KCNAB1: variants seen among roughly 807,000 people sequenced by gnomAD.
KCNAB1 encodes the protein potassium voltage-gated channel subfamily A regulatory beta subunit 1, also known as voltage-gated potassium channel subunit beta-1.
Under a neutral mutation model 64.6 loss-of-function variants are expected in KCNAB1, and 35 were observed. The observed-to-expected ratio is 0.54, with a 90% CI of 0.41 to 0.72. The LOEUF (loss-of-function observed/expected upper bound fraction) is 0.72. Ranked by LOEUF, KCNAB1 falls within the 30% of genes least tolerant of loss-of-function variation. The pLI is 0.00. For synonymous variants in KCNAB1, 177 were observed against 183.8 expected, an observed-to-expected ratio of 0.96 and a Z score of 0.30; for missense variants, 401 against 512.9, an observed-to-expected ratio of 0.78 and a Z score of 2.11.
intron 7 of KCNAB1, among the ~76,000 whole-genome samples, chr3:156,474,420 G>A (rs1185661800): frequency 6.6e-6 from 1 of 152,150 alleles, no homozygotes; most frequent in Non-Finnish European, 1.5e-5. Context: ...GAAAGAAGCT[G>A]CTTTTTATTC....
intron 1 of KCNAB1, among the ~76,000 whole-genome samples, chr3:156,238,162 G>T (rs374791624): frequency 6.6e-6 from 1 of 152,248 alleles, no homozygotes; most frequent in East Asian, 1.9e-4. Context: ...GGTGGCTCAC[G>T]CCTGTAATCC....
intron 8 of KCNAB1, among the ~76,000 whole-genome samples, chr3:156,507,307 C>T (rs1716888557): frequency 6.6e-6 from 1 of 152,068 alleles, no homozygotes; most frequent in African/African-American, 2.4e-5. Flanking sequence ...ACTGAGATCT[C>T]AGCAAGGACA....
At chr3:156,332,461 A>T (rs924363520) in intron 1 of KCNAB1, among the ~76,000 whole-genome samples, 1 of 152,138 alleles carries the variant, frequency 6.6e-6, no homozygotes, top group Admixed American at 6.6e-5. Flanking sequence ...TTTACTTGGA[A>T]CTGGTCTGTT....
intron 1 of KCNAB1, among the ~76,000 whole-genome samples, chr3:156,308,489 AC>A: frequency 6.6e-6 from 1 of 152,316 alleles, no homozygotes; most frequent in Admixed American, 6.5e-5. Flanking sequence ...GTTCATGAGG[AC>A]GATGGTGGCT....
chr3:156,171,187 G>GCACACACACACACACA lies in KCNAB1; in HGVS notation c.275+50307_275+50308insCACACACACACACACA, dbSNP rs147202221. 2.5e-3 allele frequency among the ~76,000 whole-genome samples: 361 copies of GCACACACACACACACA among 142,800 alleles called. 8 individuals carry two copies. Among genetic ancestry groups the GCACACACACACACACA allele is most frequent in the Non-Finnish European group, 3.7e-3 (248 of 66,772 alleles). The allele number at this position is 142,800 out of a possible 152,430, so 93.7% of individuals were successfully genotyped here. A position where few individuals can be genotyped will look rare whatever the true frequency, so the allele number is the denominator to read the frequency against. On this transcript the variant is annotated intron_variant, in intron 1 of 13. Coordinates refer to ENST00000490337, the MANE Select transcript of KCNAB1 (RefSeq NM_172160.3). ...ACCGGCTTATAGTTAGAAACTTCAC[G>GCACACACACACACACA]CACACATACACACACACACACACAC...
chr3:156,390,119 G>A (rs944444507), intron 1 of KCNAB1, among the ~76,000 whole-genome samples: 1 of 152,184 alleles, frequency 6.6e-6, no homozygotes, highest in South Asian at 2.1e-4. Flanking sequence ...TATTTTTTAT[G>A]TCTGGAAATG....
At chr3:156,272,309 G>A (rs1274988456) in intron 1 of KCNAB1, among the ~76,000 whole-genome samples, 3 of 152,208 alleles carry the variant, frequency 2.0e-5, no homozygotes, top group African/African-American at 7.2e-5. Context: ...AAGTTCCCCT[G>A]GGCCCCAGGT....
At chr3:156,393,585 G>C (rs3821419) in intron 1 of KCNAB1, among the ~76,000 whole-genome samples, 45,103 of 152,016 alleles carry the variant, frequency 0.3, 9,254 homozygotes, top group African/African-American at 0.59. Flanking sequence ...TATAGGGCAG[G>C]CTTTTTCAAC....
chr3:156,376,246 T>C (rs1167508585), intron 1 of KCNAB1, among the ~76,000 whole-genome samples: 1 of 152,130 alleles, frequency 6.6e-6, no homozygotes, highest in Non-Finnish European at 1.5e-5. Flanking sequence ...CAGATGGAAT[T>C]CAGAAGCAAG....
At chr3:156,477,476 A>G (rs910915324) in intron 8 of KCNAB1, among the ~76,000 whole-genome samples, 1 of 152,014 alleles carries the variant, frequency 6.6e-6, no homozygotes, top group Admixed American at 6.6e-5. Flanking sequence ...GCTCCCCCTC[A>G]CTAGGAAGGG....
intron 1 of KCNAB1, among the ~76,000 whole-genome samples, chr3:156,255,974 C>T (rs760339470): frequency 1.1e-4 from 17 of 152,330 alleles, no homozygotes; most frequent in Non-Finnish European, 2.1e-4. Context: ...GCACCTGGAG[C>T]AGCGCCCAGA....
chr3:156,130,737 A>T (rs1311414910), intron 1 of KCNAB1, among the ~76,000 whole-genome samples: 2 of 152,182 alleles, frequency 1.3e-5, no homozygotes, highest in Non-Finnish European at 2.9e-5. Context: ...TTTCCACCAC[A>T]CTATAAGGTT....
intron 1 of KCNAB1, among the ~76,000 whole-genome samples, chr3:156,238,171 C>A (rs773284455): frequency 2.0e-4 from 30 of 152,118 alleles, no homozygotes; most frequent in Admixed American, 9.8e-4. Flanking sequence ...CGCCTGTAAT[C>A]CCAGCATTTT....
intron 1 of KCNAB1, among the ~76,000 whole-genome samples, chr3:156,251,831 T>C (rs1391644083): frequency 6.6e-6 from 1 of 152,260 alleles, no homozygotes; most frequent in Non-Finnish European, 1.5e-5. Context: ...AACTATATTT[T>C]AAACCTGTCT....
At chr3:156,370,664 A>G (rs1439237364) in intron 1 of KCNAB1, among the ~76,000 whole-genome samples, 1 of 150,444 alleles carries the variant, frequency 6.6e-6, no homozygotes, top group Non-Finnish European at 1.5e-5. Flanking sequence ...GAGCTCCACA[A>G]TGGAGGAATT....
chr3:156,351,462 C>T lies in KCNAB1; in HGVS notation c.276-70154C>T, dbSNP rs143918583. Among the ~76,000 whole-genome samples the T allele has an allele frequency of 1.5e-4, 23 of 152,384 alleles. No individual in the cohort carries two copies. The East Asian group carries it at 4.2e-3, about 28-fold the overall frequency. ...ATCCACTTGATGTTAATTAAGGCTC[C>T]AGTTCCTCTAATTTAGTGCTTACTA... On this transcript the variant is annotated intron_variant, in intron 1 of 13. Transcript: ENST00000490337.
chr3:156,283,785 C>G (rs1258495878), intron 1 of KCNAB1, among the ~76,000 whole-genome samples: 5 of 152,158 alleles, frequency 3.3e-5, no homozygotes, highest in Admixed American at 6.5e-5. Context: ...GCATTCTTCA[C>G]GTAGTTCTGG....
At chr3:156,293,404 G>GA (rs150608151) in intron 1 of KCNAB1, among the ~76,000 whole-genome samples, 2,457 of 152,302 alleles carry the variant, frequency 0.016, 61 homozygotes, top group African/African-American at 0.056. Flanking sequence ...TGAAGTTAAT[G>GA]AAAATAATGC....
At chr3:156,336,834 A>T (rs1723745147) in intron 1 of KCNAB1, among the ~76,000 whole-genome samples, 1 of 152,222 alleles carries the variant, frequency 6.6e-6, no homozygotes, top group Admixed American at 6.5e-5. Context: ...TCATGCCCAG[A>T]TTCATAAGCA....
Sources: allele counts gnomAD v4.1 joint callset (sites outside exome capture counted in the v4.1 genomes callset), GRCh38; gene constraint gnomAD v4.1.1; transcripts MANE v1.5; gene names NCBI Gene and HGNC (gene_info 2026-07-23, HGNC 2026-07-21).